The following MEF2C variants were observed in gnomAD, a reference collection of about 807,000 sequenced individuals.
MEF2C encodes myocyte-specific enhancer factor 2C.
MEF2C carries 6 observed loss-of-function variants against 50.5 expected under a neutral mutation model. That is an observed-to-expected ratio of 0.12 (90% CI 0.07 to 0.23). The LOEUF (loss-of-function observed/expected upper bound fraction) is 0.23, where lower values mean the gene tolerates loss of function less well. Among genes scored for constraint, MEF2C ranks in the 10% least tolerant of loss-of-function variants. The pLI, the probability that MEF2C is intolerant of heterozygous loss-of-function variation, is 1.00. For missense variants in MEF2C, 276 were observed against 605.0 expected (o/e 0.46, Z 5.70); for synonymous variants, 183 against 228.0 (o/e 0.80, Z 1.78).
rs1291357632 is a variant in MEF2C, at chr5:88,729,353, AAAAT to A, written c.835-10_835-7del. 8 of 1,584,682 alleles carry A rather than the reference AAAAT, an allele frequency of 5.0e-6. No individual in the cohort carries two copies. The African/African-American group carries it at 5.4e-5, about 11-fold the overall frequency. On this transcript the variant is annotated splice_polypyrimidine_tract_variant and splice_region_variant and intron_variant, in intron 8 of 10. Transcript: ENST00000504921. The stretch of plus-strand genomic sequence containing the variant: ...GAGTTATTTATCCTTTGATTCTTTT[AAAAT>A]AAATAAAAAGACATTACTGATGAAT...
intron 1 of MEF2C, among the ~76,000 whole-genome samples, chr5:88,879,451 C>T (rs1185208062): frequency 1.3e-5 from 2 of 151,416 alleles, no homozygotes. Flanking sequence ...GGATTCATAA[C>T]TATGTAATTA....
chr5:88,734,515 G>A, intron 6 of MEF2C: 16 of 983,446 alleles, frequency 1.6e-5, no homozygotes, highest in Non-Finnish European at 1.9e-5. Flanking sequence ...ACAAGCACTG[G>A]GCCAGTGTGC....
chr5:88,899,580 C>G (rs1164960755), intron 1 of MEF2C, among the ~76,000 whole-genome samples: 1 of 152,148 alleles, frequency 6.6e-6, no homozygotes, highest in Non-Finnish European at 1.5e-5. Flanking sequence ...CTCTGGTGCT[C>G]TTTGAAGAAC....
intron 6 of MEF2C, chr5:88,735,532 T>C (rs753767580): frequency 1.1e-4 from 103 of 977,824 alleles, no homozygotes; most frequent in Non-Finnish European, 1.2e-4. Context: ...CAGTTTGTTT[T>C]ATAGTTTCAT....
At chr5:88,852,219 A>G (rs1821621112) in intron 1 of MEF2C, among the ~76,000 whole-genome samples, 1 of 152,176 alleles carries the variant, frequency 6.6e-6, no homozygotes, top group Non-Finnish European at 1.5e-5. Context: ...TCCTTTAACT[A>G]AATACTTTAA....
intron 2 of MEF2C, among the ~76,000 whole-genome samples, chr5:88,815,802 CT>C (rs1805050276): frequency 6.6e-6 from 1 of 151,370 alleles, no homozygotes; most frequent in Non-Finnish European, 1.5e-5. Flanking sequence ...AGCATCATGT[CT>C]TTTAATCTAC....
At chr5:88,881,928 T>A (rs1215996540) in intron 1 of MEF2C, among the ~76,000 whole-genome samples, 1 of 152,174 alleles carries the variant, frequency 6.6e-6, no homozygotes, top group Non-Finnish European at 1.5e-5. Flanking sequence ...CAATTCTACT[T>A]AGTCTACTGT....
At chr5:88,891,631 C>T (rs897471338) in intron 1 of MEF2C, among the ~76,000 whole-genome samples, 13 of 152,002 alleles carry the variant, frequency 8.6e-5, no homozygotes, top group Admixed American at 3.9e-4. Context: ...AGGATGGTCT[C>T]GATCTCCTGA....
At chr5:88,797,187 T>C (rs1397536371) in intron 3 of MEF2C, among the ~76,000 whole-genome samples, 1 of 152,120 alleles carries the variant, frequency 6.6e-6, no homozygotes, top group Non-Finnish European at 1.5e-5. Context: ...CCTTGTTAAT[T>C]TTCTGTCTCG....
At chr5:88,741,788 A>G (rs1766946623) in intron 6 of MEF2C, 1 of 985,052 alleles carries the variant, frequency 1.0e-6, no homozygotes, top group Non-Finnish European at 1.2e-6. Flanking sequence ...AGAAGGCATA[A>G]TGTCTAGTAA....
At chr5:88,864,643 G>A (rs75297207) in intron 1 of MEF2C, among the ~76,000 whole-genome samples, 5,339 of 152,072 alleles carry the variant, frequency 0.035, 101 homozygotes, top group Non-Finnish European at 0.041. Flanking sequence ...CCAGATTGGA[G>A]TGCAGTGGCA....
In MEF2C at chr5:88,735,807, T is replaced by C. The variant is rs1043333241; in HGVS notation, c.638-3906A>G. ...AACATATTCCTGGCTTAAGATATTATGAGGAAGGCATTTTGCCTTGTCTCA... is the reference window on the plus strand; with the variant it reads ...AACATATTCCTGGCTTAAGATATTACGAGGAAGGCATTTTGCCTTGTCTCA... On this transcript the variant is annotated intron_variant, in intron 6 of 10. Transcript: ENST00000504921. 1.0e-5 allele frequency: 10 copies of C among 985,336 alleles called. No homozygotes were observed. The African/African-American group carries it at 1.6e-4, about 15-fold the overall frequency. 61.0% of individuals were successfully genotyped at this position (985,336 alleles called of 1,614,324 possible).
At chr5:88,878,101 T>C (rs961876936) in intron 1 of MEF2C, 1 of 152,030 alleles carries the variant, frequency 6.6e-6, no homozygotes, top group Non-Finnish European at 1.5e-5. Context: ...TTGACTAAAT[T>C]AGAAAATCTT....
At chr5:88,735,450 T>C in intron 6 of MEF2C, 18 of 985,262 alleles carry the variant, frequency 1.8e-5, no homozygotes, top group Non-Finnish European at 2.0e-5. Context: ...GGCACAAAAA[T>C]TATAAAGCAG....
chr5:88,784,074 T>C (rs960160421), intron 3 of MEF2C, among the ~76,000 whole-genome samples: 4 of 152,252 alleles, frequency 2.6e-5, no homozygotes, highest in African/African-American at 7.2e-5. Context: ...TCTAACTGCA[T>C]TGAAAATCGA....
intron 1 of MEF2C, among the ~76,000 whole-genome samples, chr5:88,900,091 T>C (rs997768095): frequency 1.3e-5 from 2 of 152,074 alleles, no homozygotes; most frequent in African/African-American, 4.8e-5. Flanking sequence ...TCTTATAAAT[T>C]CAGAATGTGG....
chr5:88,871,390 T>A (rs1473921976), intron 1 of MEF2C, among the ~76,000 whole-genome samples: 2 of 151,950 alleles, frequency 1.3e-5, no homozygotes, highest in Non-Finnish European at 2.9e-5. Flanking sequence ...TTTAGAGGCG[T>A]CCTTGATTGC....
At chr5:88,802,194 T>C (rs1025565958) in intron 3 of MEF2C, among the ~76,000 whole-genome samples, 124 of 152,376 alleles carry the variant, frequency 8.1e-4, no homozygotes, top group African/African-American at 2.8e-3. Context: ...TTACAAGTAT[T>C]GCTTTTTTAA....
At chr5:88,735,219 CTG>C in intron 6 of MEF2C, 1 of 985,368 alleles carries the variant, frequency 1.0e-6, no homozygotes, top group Non-Finnish European at 1.2e-6. Context: ...ATGCTGCGGC[CTG>C]TGTTGAGCCT....
Sources: allele counts gnomAD v4.1 joint callset (sites outside exome capture counted in the v4.1 genomes callset), GRCh38; gene constraint gnomAD v4.1.1; transcripts MANE v1.5; gene names NCBI Gene and HGNC (gene_info 2026-07-23, HGNC 2026-07-21).